Variants in CTNND2 observed in about 807,000 individuals in gnomAD.
The protein encoded by CTNND2 is catenin delta 2.
Under a neutral mutation model 144.4 loss-of-function variants are expected in CTNND2, and 22 were observed. The ratio of observed to expected loss-of-function variants is 0.15; its 90% CI spans 0.11 to 0.22. The LOEUF is 0.22. Among genes scored for constraint, CTNND2 ranks in the 10% least tolerant of loss-of-function variants. The pLI is 1.00. For missense variants in CTNND2, 1,353 were observed against 1,618.8 expected (o/e 0.84, Z 2.82); for synonymous variants, 751 against 695.6 (o/e 1.08, Z -1.25).
At position 11,435,115 on chromosome 5, in the gene CTNND2, CTATTTATT is replaced by C. The variant is rs71595819; in HGVS notation, c.288-23054_288-23047del. ...AGATTAGCAAACGTTTTCTTTTTTA[CTATTTATT>C]TATTTATTTATTTATTTATTTATTT... On this transcript the variant is annotated intron_variant, in intron 3 of 21. Transcript: ENST00000304623. Among the ~76,000 whole-genome samples the C allele has an allele frequency of 7.0e-4, 102 of 146,026 alleles. 1 individual carries two copies. Among genetic ancestry groups the C allele is most frequent in the Middle Eastern group, 3.5e-3 (1 of 282 alleles).
At position 11,199,659 on chromosome 5, in the gene CTNND2, T is replaced by A. The variant is rs201767973; in HGVS notation, c.1764A>T (p.Ile588=). Residue 588 remains isoleucine, a splice_region_variant and synonymous_variant, in exon 11 of 22, where the codon ATA becomes ATT. Coordinates refer to ENST00000304623, the MANE Select transcript of CTNND2 (RefSeq NM_001332.4). ...GGAGCTGGATGCCTCCTTGTCTCCT[T>A]ATCTGAAAGAGCAAAGGACACCACT... ...CFGDNKIKAE[I]RRQGGIQLLV... The A allele has an allele frequency of 1.7e-5, 27 of 1,613,692 alleles. No homozygotes were observed. The African/African-American group carries it at 3.5e-4, about 21-fold the overall frequency.
chr5:11,772,609 C>A (rs183631511), intron 1 of CTNND2, among the ~76,000 whole-genome samples: 42 of 152,292 alleles, frequency 2.8e-4, no homozygotes, highest in African/African-American at 9.6e-4. Flanking sequence ...AAACACATAG[C>A]AGTCCTTTCC....
chr5:11,807,652 A>G (rs1792078629), intron 1 of CTNND2, among the ~76,000 whole-genome samples: 1 of 152,168 alleles, frequency 6.6e-6, no homozygotes, highest in Non-Finnish European at 1.5e-5. Context: ...CTGTGTGATC[A>G]TTACAGACTT....
chr5:11,646,630 GAAATATCAAGT>G (rs879929912), intron 2 of CTNND2, among the ~76,000 whole-genome samples: 9,941 of 77,328 alleles, frequency 0.13, 664 homozygotes, highest in East Asian at 0.42. Flanking sequence ...TATTTCTTAG[GAAATATCAAGT>G]AAATTTCGTT....
chr5:11,662,150 TATATATGTGTATATATGTGTATATATAC>T (rs1363832304), intron 2 of CTNND2, among the ~76,000 whole-genome samples: 13 of 113,170 alleles, frequency 1.1e-4, no homozygotes, highest in East Asian at 4.3e-4. Context: ...TATATACACA[TATATATGTGTATATATGTGTATATATAC>T]ATATATGTGT....
At chr5:11,852,985 C>A (rs1426406387) in intron 1 of CTNND2, among the ~76,000 whole-genome samples, 1 of 152,112 alleles carries the variant, frequency 6.6e-6, no homozygotes, top group African/African-American at 2.4e-5. Flanking sequence ...TTCTCTCTTT[C>A]TTTTCAAACC....
intron 11 of CTNND2, among the ~76,000 whole-genome samples, chr5:11,183,225 G>A (rs972850486): frequency 6.6e-6 from 1 of 152,176 alleles, no homozygotes; most frequent in Non-Finnish European, 1.5e-5. Flanking sequence ...TTGATAGACT[G>A]CTTGAAAATC....
At chr5:11,074,091 C>G (rs16901237) in intron 16 of CTNND2, among the ~76,000 whole-genome samples, 3,571 of 152,246 alleles carry the variant, frequency 0.023, 154 homozygotes, top group African/African-American at 0.082. Flanking sequence ...AGCCTTGTAT[C>G]TTTCCCTGGA....
intron 1 of CTNND2, among the ~76,000 whole-genome samples, chr5:11,859,005 T>G (rs747336767): frequency 2.0e-5 from 3 of 152,202 alleles, no homozygotes; most frequent in Non-Finnish European, 4.4e-5. Flanking sequence ...TGTCCCCAAG[T>G]TAAATGCTTT....
intron 6 of CTNND2, among the ~76,000 whole-genome samples, chr5:11,391,914 A>G (rs1759659854): frequency 6.6e-6 from 1 of 152,206 alleles, no homozygotes; most frequent in Non-Finnish European, 1.5e-5. Context: ...GGAAAACCCA[A>G]GGTACTTGGA....
intron 1 of CTNND2, among the ~76,000 whole-genome samples, chr5:11,901,248 C>T (rs896931214): frequency 6.6e-6 from 1 of 152,174 alleles, no homozygotes; most frequent in African/African-American, 2.4e-5. Flanking sequence ...AGAAAGAAGT[C>T]TGATAAGGCA....
rs117380096 is a variant in CTNND2 at position 11,152,973 on chromosome 5, C to A, written c.2159+6603G>T. 1.1e-4 allele frequency among the ~76,000 whole-genome samples: 16 copies of A among 152,060 alleles called. No homozygotes were observed. The East Asian group carries it at 3.1e-3, about 29-fold the overall frequency. On this transcript the variant is annotated intron_variant, in intron 12 of 21. Coordinates refer to ENST00000304623, the MANE Select transcript of CTNND2 (RefSeq NM_001332.4). Reference sequence around the variant, plus strand: ...TTTTCAAGAACCTGGATTAAGAGTGCTGAATTCAGGCTGGGTGCATTGGCT... The same window carrying A: ...TTTTCAAGAACCTGGATTAAGAGTGATGAATTCAGGCTGGGTGCATTGGCT...
chr5:11,292,513 C>T (rs567957557), intron 9 of CTNND2, among the ~76,000 whole-genome samples: 2 of 152,184 alleles, frequency 1.3e-5, no homozygotes, highest in African/African-American at 2.4e-5. Context: ...TGGTTTCTCC[C>T]GTGCTGTTCT....
chr5:11,866,706 T>G (rs1795785329), intron 1 of CTNND2, among the ~76,000 whole-genome samples: 1 of 152,226 alleles, frequency 6.6e-6, no homozygotes. Flanking sequence ...TTTGCCACAA[T>G]GTAATCACCT....
intron 1 of CTNND2, among the ~76,000 whole-genome samples, chr5:11,813,727 T>G (rs546605065): frequency 6.6e-6 from 1 of 152,330 alleles, no homozygotes; most frequent in Admixed American, 6.5e-5. Flanking sequence ...TTGCCTAGGC[T>G]GGGCGCAAAC....
intron 16 of CTNND2, among the ~76,000 whole-genome samples, chr5:11,078,916 T>C (rs1163651856): frequency 6.6e-6 from 1 of 152,240 alleles, no homozygotes; most frequent in Non-Finnish European, 1.5e-5. Context: ...TGCAAGCTTA[T>C]TTCCCGCTGT....
chr5:11,537,747 G>T (rs1041805655), intron 3 of CTNND2, among the ~76,000 whole-genome samples: 1 of 152,154 alleles, frequency 6.6e-6, no homozygotes, highest in Non-Finnish European at 1.5e-5. Context: ...TTAAAGTATA[G>T]TACCAGCTTT....
intron 9 of CTNND2, among the ~76,000 whole-genome samples, chr5:11,298,237 C>T (rs900572189): frequency 6.6e-6 from 1 of 152,160 alleles, no homozygotes; most frequent in Non-Finnish European, 1.5e-5. Flanking sequence ...GAGGCACAAT[C>T]ACAGCTCACT....
At chr5:11,391,210 T>C (rs1302342588) in intron 6 of CTNND2, among the ~76,000 whole-genome samples, 2 of 128,350 alleles carry the variant, frequency 1.6e-5, no homozygotes, top group African/African-American at 5.6e-5. Context: ...AGATGACATA[T>C]TCAAAGAAGT....
Sources: allele counts gnomAD v4.1 joint callset (sites outside exome capture counted in the v4.1 genomes callset), GRCh38; gene constraint gnomAD v4.1.1; transcripts MANE v1.5; gene names NCBI Gene and HGNC (gene_info 2026-07-23, HGNC 2026-07-21).